The following NRG3 variants were observed in gnomAD, a reference collection of about 807,000 sequenced individuals.
NRG3 encodes pro-neuregulin-3, membrane-bound isoform.
A neutral mutation model predicts 66.9 loss-of-function variants in NRG3; 31 were observed. The observed-to-expected ratio is 0.46, with a 90% confidence interval of 0.35 to 0.63. The LOEUF is 0.63. Among genes scored for constraint, NRG3 ranks in the 20% least tolerant of loss-of-function variants. NRG3 has a pLI of 0.00. For synonymous variants in NRG3, 393 were observed against 359.4 expected (o/e 1.09, Z -1.06); for missense variants, 910 against 878.9 (o/e 1.04, Z -0.45).
intron 1 of NRG3, among the ~76,000 whole-genome samples, chr10:82,136,948 G>T (rs967778162): frequency 6.6e-6 from 1 of 152,206 alleles, no homozygotes; most frequent in Non-Finnish European, 1.5e-5. Flanking sequence ...GAGGGGTAAC[G>T]TAGGCTTCAA....
chr10:82,756,090 C>T (rs113338891), intron 3 of NRG3, among the ~76,000 whole-genome samples: 1 of 151,922 alleles, frequency 6.6e-6, no homozygotes, highest in Admixed American at 6.6e-5. Context: ...CCTGTAACTC[C>T]TCTAAGAAAG....
intron 2 of NRG3, among the ~76,000 whole-genome samples, chr10:82,693,242 G>A (rs939463491): frequency 6.6e-6 from 1 of 151,994 alleles, no homozygotes; most frequent in African/African-American, 2.4e-5. Flanking sequence ...CAAGCCAACA[G>A]CATTCATTTA....
intron 2 of NRG3, among the ~76,000 whole-genome samples, chr10:82,675,590 G>A (rs1205157402): frequency 6.6e-6 from 1 of 152,152 alleles, no homozygotes; most frequent in Admixed American, 6.5e-5. Context: ...GCAGAATTCA[G>A]CCCCCTCTAT....
intron 3 of NRG3, among the ~76,000 whole-genome samples, chr10:82,792,696 T>TTTA (rs2060634590): frequency 1.3e-5 from 2 of 152,142 alleles, no homozygotes; most frequent in African/African-American, 4.8e-5. Context: ...TTATTTATTT[T>TTTA]TTTGACGGAG....
At chr10:82,703,471 G>T (rs2056053688) in intron 2 of NRG3, among the ~76,000 whole-genome samples, 1 of 152,060 alleles carries the variant, frequency 6.6e-6, no homozygotes, top group Admixed American at 6.6e-5. Context: ...ATTCTATCTT[G>T]CTACTCACTG....
intron 2 of NRG3, among the ~76,000 whole-genome samples, chr10:82,643,759 T>C (rs1440150500): frequency 4.6e-5 from 7 of 152,074 alleles, no homozygotes; most frequent in Admixed American, 2.6e-4. Context: ...CTGTGTATGC[T>C]TCAGTTCTCT....
chr10:82,109,127 G>C (rs1346956889), intron 1 of NRG3, among the ~76,000 whole-genome samples: 1 of 152,110 alleles, frequency 6.6e-6, no homozygotes, highest in Non-Finnish European at 1.5e-5. Flanking sequence ...TATACTAGTC[G>C]CTAATGTCAG....
intron 1 of NRG3, among the ~76,000 whole-genome samples, chr10:82,201,322 G>A (rs982584906): frequency 6.6e-6 from 1 of 151,924 alleles, no homozygotes; most frequent in Admixed American, 6.6e-5. Context: ...GATTTTGATA[G>A]CACTTTAGCC....
intron 1 of NRG3, among the ~76,000 whole-genome samples, chr10:82,297,271 AT>A (rs5786546): frequency 0.44 from 65,559 of 149,740 alleles, 16,584 homozygotes; most frequent in African/African-American, 0.71. Flanking sequence ...TTGATAAAAC[AT>A]TTTTTTTTTT....
chr10:82,437,869 G>A (rs983451997), intron 2 of NRG3, among the ~76,000 whole-genome samples: 6 of 152,228 alleles, frequency 3.9e-5, no homozygotes, highest in East Asian at 3.9e-4. Context: ...ATTTGCTCCC[G>A]TGCCTGGAGA....
At chr10:81,966,410 G>A (rs2059731581) in intron 1 of NRG3, among the ~76,000 whole-genome samples, 1 of 151,612 alleles carries the variant, frequency 6.6e-6, no homozygotes, top group Non-Finnish European at 1.5e-5. Context: ...TCTGGTTTTA[G>A]TATCAGGGTT....
At chr10:82,715,270 C>A (rs147390881) in intron 2 of NRG3, among the ~76,000 whole-genome samples, 1 of 152,144 alleles carries the variant, frequency 6.6e-6, no homozygotes, top group African/African-American at 2.4e-5. Context: ...TGATGGCACA[C>A]GCCTGTAGTC....
At position 82,195,868 on chromosome 10, in the gene NRG3, G is replaced by A. The variant is rs367585351; in HGVS notation, c.824-162871G>A. Among the ~76,000 whole-genome samples the A allele has an allele frequency of 5.5e-3, 832 of 152,308 alleles. 7 individuals carry two copies. Among genetic ancestry groups the A allele is most frequent in the African/African-American group, 0.018 (768 of 41,574 alleles). On this transcript the variant is annotated intron_variant, in intron 1 of 8. Coordinates refer to ENST00000372141, the MANE Select transcript of NRG3 (RefSeq NM_001010848.4). ...GCCATTTCTGGCTCTGAAGACAAAA[G>A]GTGGCTGCAGATGAAGGAATGTAGG...
rs543673502 is a variant in NRG3, at chr10:82,735,156, A to C, written c.954-3421A>C. On this transcript the variant is annotated intron_variant, in intron 2 of 8. Transcript: ENST00000372141. ...TAGAGTTGGAGACTTTTTTAAAAAC[A>C]ATTACAATGTCTCGGCTCTTGTGAA... Among the ~76,000 whole-genome samples, 4 of 152,340 alleles carry C rather than the reference A, an allele frequency of 2.6e-5. No individual in the cohort carries two copies. The East Asian group carries it at 7.7e-4, about 29-fold the overall frequency.
chr10:82,558,785 G>A (rs919641817), intron 2 of NRG3, among the ~76,000 whole-genome samples: 9 of 152,084 alleles, frequency 5.9e-5, no homozygotes, highest in Non-Finnish European at 8.8e-5. Flanking sequence ...TCTCTTATCA[G>A]GTTTGTGTTG....
At chr10:82,657,016 G>A (rs951604753) in intron 2 of NRG3, among the ~76,000 whole-genome samples, 30 of 151,766 alleles carry the variant, frequency 2.0e-4, no homozygotes, top group African/African-American at 7.3e-4. Context: ...CCACACACCC[G>A]TATATCTCAA....
intron 3 of NRG3, among the ~76,000 whole-genome samples, chr10:82,832,015 T>C (rs2062554418): frequency 6.6e-6 from 1 of 152,150 alleles, no homozygotes; most frequent in Non-Finnish European, 1.5e-5. Context: ...TACCTGATGT[T>C]GAGAAAGGCC....
chr10:82,249,029 T>C (rs2077369139), intron 1 of NRG3, among the ~76,000 whole-genome samples: 3 of 152,310 alleles, frequency 2.0e-5, no homozygotes, highest in South Asian at 2.1e-4. Flanking sequence ...CCAGAACAAA[T>C]GCTACCAGAC....
intron 1 of NRG3, among the ~76,000 whole-genome samples, chr10:81,949,355 C>T (rs771201996): frequency 7.9e-5 from 12 of 152,180 alleles, no homozygotes; most frequent in Non-Finnish European, 1.6e-4. Flanking sequence ...AAATTCTTTA[C>T]TACACACATA....
Sources: allele counts gnomAD v4.1 joint callset (sites outside exome capture counted in the v4.1 genomes callset), GRCh38; gene constraint gnomAD v4.1.1; transcripts MANE v1.5; gene names NCBI Gene and HGNC (gene_info 2026-07-23, HGNC 2026-07-21).